Variants in AXDND1 observed in about 807,000 individuals in gnomAD.
The protein encoded by AXDND1 is axonemal dynein light chain domain-containing protein 1.
Under a neutral mutation model 137.5 loss-of-function variants are expected in AXDND1, and 110 were observed. The ratio of observed to expected loss-of-function variants is 0.80; its 90% CI spans 0.69 to 0.94. The LOEUF is 0.94. Ranked by LOEUF, AXDND1 falls within the 40% of genes least tolerant of loss-of-function variation. AXDND1 has a pLI of 0.00. For synonymous variants in AXDND1, 414 were observed against 399.7 expected, an observed-to-expected ratio of 1.04 and a Z score of -0.43; for missense variants, 1,191 against 1,169.8, an observed-to-expected ratio of 1.02 and a Z score of -0.26.
intron 4 of AXDND1, among the ~76,000 whole-genome samples, chr1:179,373,852 T>A (rs1003846294): frequency 1.5e-4 from 23 of 152,156 alleles, no homozygotes; most frequent in Middle Eastern, 3.2e-3. Context: ...ACTTAAATGT[T>A]AGACCTAAAA....
At chr1:179,447,850 T>C (rs1659962751) in intron 16 of AXDND1, 1 of 1,320,828 alleles carries the variant, frequency 7.6e-7, no homozygotes, top group African/African-American at 1.4e-5. Flanking sequence ...CCCACCTGCA[T>C]TGCCAGTACT....
At chr1:179,467,061 C>T (rs1178595358) in intron 16 of AXDND1, among the ~76,000 whole-genome samples, 1 of 152,174 alleles carries the variant, frequency 6.6e-6, no homozygotes, top group Admixed American at 6.5e-5. Flanking sequence ...CACCCGACCC[C>T]TGAGTAGAGT....
intron 11 of AXDND1, among the ~76,000 whole-genome samples, chr1:179,407,195 T>G (rs1449544487): frequency 6.6e-6 from 1 of 152,042 alleles, no homozygotes; most frequent in East Asian, 1.9e-4. Flanking sequence ...CTTTGCTAGG[T>G]ACAGAATTCT....
chr1:179,398,108 T>C (rs1479170380), intron 11 of AXDND1, among the ~76,000 whole-genome samples: 1 of 152,210 alleles, frequency 6.6e-6, no homozygotes, highest in Non-Finnish European at 1.5e-5. Flanking sequence ...TTTTTTCTCA[T>C]ATTTGTGGGC....
At chr1:179,510,239 G>A (rs768833242) in intron 21 of AXDND1, among the ~76,000 whole-genome samples, 1 of 151,882 alleles carries the variant, frequency 6.6e-6, no homozygotes, top group African/African-American at 2.4e-5. Flanking sequence ...CCTGCTTACC[G>A]AGAATCTCAA....
At chr1:179,467,802 A>C (rs1315422212) in intron 16 of AXDND1, among the ~76,000 whole-genome samples, 2 of 152,220 alleles carry the variant, frequency 1.3e-5, no homozygotes, top group Non-Finnish European at 2.9e-5. Context: ...CATCCAAGAC[A>C]AGAAAAAGTT....
intron 4 of AXDND1, among the ~76,000 whole-genome samples, chr1:179,372,182 A>T (rs1668098215): frequency 1.3e-5 from 2 of 152,252 alleles, no homozygotes; most frequent in Non-Finnish European, 2.9e-5. Flanking sequence ...AGAACCCAGC[A>T]GTAAAATATA....
chr1:179,425,719 G>C (rs1656446450), intron 12 of AXDND1, among the ~76,000 whole-genome samples: 1 of 152,102 alleles, frequency 6.6e-6, no homozygotes, highest in Non-Finnish European at 1.5e-5. Context: ...CAGGGAGGGA[G>C]ATTGAGGCTG....
At chr1:179,451,403 C>A (rs1192694420) in intron 16 of AXDND1, 2 of 151,488 alleles carry the variant, frequency 1.3e-5, no homozygotes, top group African/African-American at 4.8e-5. Context: ...TAATGCCCTA[C>A]AACTTTTAAG....
chr1:179,403,430 G>C (rs940606474), intron 11 of AXDND1, among the ~76,000 whole-genome samples: 1 of 152,102 alleles, frequency 6.6e-6, no homozygotes, highest in Admixed American at 6.6e-5. Flanking sequence ...CTGACACTTC[G>C]TATAGGTACC....
At chr1:179,431,760 T>C (rs892401204) in intron 14 of AXDND1, among the ~76,000 whole-genome samples, 1 of 152,156 alleles carries the variant, frequency 6.6e-6, no homozygotes, top group Non-Finnish European at 1.5e-5. Context: ...TTGTTGATTC[T>C]TAGCTGGGAG....
rs561273238 is a variant in AXDND1 at position 179,528,052 on chromosome 1, T to C, written c.2611-275T>C. Among the ~76,000 whole-genome samples, 3 of 152,336 alleles carry C rather than the reference T, an allele frequency of 2.0e-5. No homozygotes were observed. The South Asian group carries it at 6.2e-4, about 32-fold the overall frequency. ...TGTTATACCATAATTATTCATTTTA[T>C]TATCTATCTCTCCTATAGTACTGTC... is the stretch of plus-strand genomic sequence containing the variant. On this transcript the variant is annotated intron_variant, in intron 22 of 25. Coordinates refer to ENST00000367618, the MANE Select transcript of AXDND1 (RefSeq NM_144696.6).
chr1:179,550,282 G>A (rs1673074430), intron 25 of AXDND1, among the ~76,000 whole-genome samples: 1 of 152,062 alleles, frequency 6.6e-6, no homozygotes, highest in Non-Finnish European at 1.5e-5. Context: ...CAAATTAATG[G>A]AAAATAAGAC....
chr1:179,475,742 G>C (rs1664534614), intron 17 of AXDND1, among the ~76,000 whole-genome samples: 1 of 152,172 alleles, frequency 6.6e-6, no homozygotes, highest in Non-Finnish European at 1.5e-5. Flanking sequence ...GGGACTGTTG[G>C]GAAGGCATAA....
rs745638129 is a variant in AXDND1 at position 179,551,204 on chromosome 1, T to G, written c.3032-3308T>G. On this transcript the variant is annotated intron_variant, in intron 25 of 25. Coordinates refer to ENST00000367618, the MANE Select transcript of AXDND1 (RefSeq NM_144696.6). ...CATGGGAGAGTCTTTCTTTTTAGGA[T>G]TTAGTGGCTCAACAGGTTTGGAAGG... is the stretch of plus-strand genomic sequence containing the variant. The G allele has an allele frequency of 1.2e-6, 2 of 1,614,038 alleles. No homozygotes were observed. The highest frequency in any genetic ancestry group is 8.5e-7 in the Non-Finnish European group (1 of 1,179,992).
chr1:179,416,664 A>C (rs141944122), intron 12 of AXDND1, among the ~76,000 whole-genome samples: 1 of 152,312 alleles, frequency 6.6e-6, no homozygotes, highest in Non-Finnish European at 1.5e-5. Context: ...GAACAAAGCA[A>C]CCTTGATGTT....
chr1:179,438,616 G>A (rs1658553845), intron 15 of AXDND1, among the ~76,000 whole-genome samples: 1 of 152,204 alleles, frequency 6.6e-6, no homozygotes, highest in South Asian at 2.1e-4. Flanking sequence ...ATGCAAAGCA[G>A]GTGTGGCAGC....
intron 20 of AXDND1, among the ~76,000 whole-genome samples, chr1:179,507,468 C>T (rs1420483167): frequency 6.6e-6 from 1 of 151,612 alleles, no homozygotes; most frequent in Non-Finnish European, 1.5e-5. Flanking sequence ...GTTCTAGGTA[C>T]AATAAAAAAA....
At chr1:179,525,540 A>G (rs1670453599) in intron 22 of AXDND1, 93 bp downstream of exon 22, 1 of 1,379,674 alleles carries the variant, frequency 7.2e-7, no homozygotes, top group African/African-American at 1.5e-5. Flanking sequence ...CCTGTCACCC[A>G]GGTTGGAGTG....
Sources: allele counts gnomAD v4.1 joint callset (sites outside exome capture counted in the v4.1 genomes callset), GRCh38; gene constraint gnomAD v4.1.1; transcripts MANE v1.5; gene names NCBI Gene and HGNC (gene_info 2026-07-23, HGNC 2026-07-21).